TENM1: variants seen among roughly 807,000 people sequenced by gnomAD.
The protein encoded by TENM1 is teneurin-1.
In TENM1, 35 loss-of-function variants were observed where a neutral mutation model predicts 174.8. The observed-to-expected ratio is 0.20, with a 90% CI of 0.15 to 0.27. TENM1 has a LOEUF of 0.27. Among genes scored for constraint, TENM1 ranks in the 10% least tolerant of loss-of-function variants. The pLI, the probability that TENM1 is intolerant of heterozygous loss-of-function variation, is 1.00. For synonymous variants in TENM1, 781 were observed against 798.7 expected (o/e 0.98, Z 0.37); for missense variants, 1,633 against 2,130.1 (o/e 0.77, Z 4.59).
chrX:124,432,589 T>A (rs1204719643), intron 23 of TENM1, among the ~76,000 whole-genome samples: 2 of 111,098 alleles, frequency 1.8e-5, no homozygotes. Flanking sequence ...TTTATTTTTA[T>A]TTGTATTTGT....
At chrX:124,916,439 C>T (rs952494198) in intron 1 of TENM1, among the ~76,000 whole-genome samples, 2 of 111,189 alleles carry the variant, frequency 1.8e-5, no homozygotes, top group African/African-American at 6.6e-5. Flanking sequence ...TTCCTTGTAG[C>T]TGGGACCACA....
At chrX:124,884,861 A>T (rs2057357761) in intron 3 of TENM1, among the ~76,000 whole-genome samples, 1 of 111,494 alleles carries the variant, frequency 9.0e-6, no homozygotes, top group South Asian at 3.8e-4. Flanking sequence ...TCGTTAGGGG[A>T]TTTTGTCATT....
At chrX:125,091,417 T>G in the TENM1 span, among the ~76,000 whole-genome samples, 5 of 111,136 alleles carry the variant, frequency 4.5e-5, no homozygotes, top group African/African-American at 1.6e-4. Flanking sequence ...AAGACTGTCT[T>G]TTAAAAGAAA....
chrX:125,203,264 G>A, the TENM1 span, among the ~76,000 whole-genome samples: 13 of 112,608 alleles, frequency 1.2e-4, no homozygotes, highest in East Asian at 3.7e-3. Context: ...TCTCTGCGGA[G>A]ACAGCAGGAC....
chrX:125,149,706 C>A, the TENM1 span, among the ~76,000 whole-genome samples: 13 of 111,095 alleles, frequency 1.2e-4, no homozygotes, highest in African/African-American at 3.9e-4. Flanking sequence ...ATGGATATTG[C>A]GATCATTGAA....
chrX:125,192,658 T>A, the TENM1 span, among the ~76,000 whole-genome samples: 1 of 111,719 alleles, frequency 9.0e-6, no homozygotes, highest in African/African-American at 3.3e-5. Context: ...ATTGGTTGGG[T>A]GTCAGGTGTT....
chrX:124,420,296 G>C lies in TENM1; in HGVS notation c.4982+15C>G, dbSNP rs935725754. 20 of 1,183,141 alleles carry C rather than the reference G, an allele frequency of 1.7e-5. No individual in the cohort carries two copies. Among genetic ancestry groups the C allele is most frequent in the Non-Finnish European group, 2.0e-5 (18 of 880,384 alleles). On this transcript the variant is annotated intron_variant, in intron 25 of 31. Transcript: ENST00000422452. ...AAAAACCTAACAAAGCCCATGTCAAGAATTAGAAACTTACTCATAAACGGT... is the reference window on the plus strand; with the variant it reads ...AAAAACCTAACAAAGCCCATGTCAACAATTAGAAACTTACTCATAAACGGT...
chrX:125,090,074 T>C, the TENM1 span, among the ~76,000 whole-genome samples: 3 of 111,854 alleles, frequency 2.7e-5, no homozygotes, highest in Admixed American at 9.5e-5. Context: ...CCTGTCATTA[T>C]CTATGCCATC....
At chrX:125,183,935 G>C in the TENM1 span, among the ~76,000 whole-genome samples, 1 of 111,668 alleles carries the variant, frequency 9.0e-6, no homozygotes, top group Admixed American at 9.6e-5. Context: ...TGAACAGAAA[G>C]ACAGTTGGAG....
the TENM1 span, among the ~76,000 whole-genome samples, chrX:125,053,705 T>C: frequency 8.9e-6 from 1 of 111,752 alleles, no homozygotes; most frequent in East Asian, 2.9e-4. Context: ...AACATTTAAA[T>C]GTCACTTTCT....
chrX:124,546,269 T>C (rs1371402302), intron 15 of TENM1, among the ~76,000 whole-genome samples: 2 of 112,456 alleles, frequency 1.8e-5, no homozygotes, highest in Non-Finnish European at 3.7e-5. Flanking sequence ...CCTCTAATGC[T>C]AATTAGTAAA....
chrX:124,975,488 C>T, the TENM1 span, among the ~76,000 whole-genome samples: 4 of 111,502 alleles, frequency 3.6e-5, no homozygotes, highest in African/African-American at 1.3e-4. Flanking sequence ...CTTATACAAC[C>T]AAAGATATAA....
intron 21 of TENM1, among the ~76,000 whole-genome samples, chrX:124,483,351 G>A (rs1194514224): frequency 1.8e-5 from 2 of 111,279 alleles, no homozygotes; most frequent in Admixed American, 1.9e-4. Context: ...TCCCTCTCCT[G>A]CCCTGCCAGT....
chrX:124,806,397 A>G (rs1383985416), intron 3 of TENM1, among the ~76,000 whole-genome samples: 1 of 112,240 alleles, frequency 8.9e-6, no homozygotes, highest in African/African-American at 3.2e-5. Flanking sequence ...TAGAAAGCTT[A>G]GAGAAATGAT....
At chrX:125,135,172 T>A in the TENM1 span, among the ~76,000 whole-genome samples, 1 of 110,075 alleles carries the variant, frequency 9.1e-6, no homozygotes, top group African/African-American at 3.3e-5. Flanking sequence ...AATGTTTTTT[T>A]ATCACTAAAA....
chrX:124,502,073 G>T (rs1407521866), intron 19 of TENM1, among the ~76,000 whole-genome samples: 1 of 111,754 alleles, frequency 8.9e-6, no homozygotes, highest in Non-Finnish European at 1.9e-5. Flanking sequence ...ATCTTTTGGG[G>T]GTGATAAAAA....
At chrX:124,916,906 A>C (rs2057935771) in intron 1 of TENM1, among the ~76,000 whole-genome samples, 1 of 110,617 alleles carries the variant, frequency 9.0e-6, no homozygotes, top group Non-Finnish European at 1.9e-5. Flanking sequence ...TGAGCCAATA[A>C]ATTTCTGTTC....
intron 1 of TENM1, among the ~76,000 whole-genome samples, chrX:124,927,760 T>A (rs780219623): frequency 2.5e-4 from 28 of 111,413 alleles, no homozygotes; most frequent in Non-Finnish European, 4.1e-4. Flanking sequence ...CAGCCAGTGT[T>A]GAACCACCAC....
chrX:124,559,620 A>T (rs1470108958), intron 14 of TENM1, among the ~76,000 whole-genome samples: 1 of 110,686 alleles, frequency 9.0e-6, no homozygotes, highest in Non-Finnish European at 1.9e-5. Flanking sequence ...GTGAGCTGAG[A>T]TTGTGCCACT....
Sources: allele counts gnomAD v4.1 joint callset (sites outside exome capture counted in the v4.1 genomes callset), GRCh38; gene constraint gnomAD v4.1.1; transcripts MANE v1.5; gene names NCBI Gene and HGNC (gene_info 2026-07-23, HGNC 2026-07-21).